The following UTRN variants were observed in gnomAD, a reference collection of about 807,000 sequenced individuals.
The protein encoded by UTRN is dystrophin-related protein 1.
UTRN carries 283 observed loss-of-function variants against 463.9 expected under a neutral mutation model. The ratio of observed to expected loss-of-function variants is 0.61; its 90% CI spans 0.55 to 0.67. The LOEUF (loss-of-function observed/expected upper bound fraction) is 0.67, where lower values mean the gene tolerates loss of function less well. Among genes scored for constraint, UTRN ranks in the 30% least tolerant of loss-of-function variants. The pLI, the probability that UTRN is intolerant of heterozygous loss-of-function variation, is 0.00. For synonymous variants in UTRN, 1,442 were observed against 1,431.5 expected, an observed-to-expected ratio of 1.01 and a Z score of -0.17; for missense variants, 3,922 against 4,084.3, an observed-to-expected ratio of 0.96 and a Z score of 1.08.
intron 55 of UTRN, among the ~76,000 whole-genome samples, chr6:144,750,303 C>T (rs1184972879): frequency 1.3e-5 from 2 of 152,040 alleles, no homozygotes; most frequent in East Asian, 3.9e-4. Flanking sequence ...ATTCTGTCAT[C>T]CATTAAAATG....
intron 51 of UTRN, among the ~76,000 whole-genome samples, chr6:144,644,050 T>C (rs994951745): frequency 5.9e-5 from 9 of 152,182 alleles, no homozygotes; most frequent in Non-Finnish European, 1.2e-4. Flanking sequence ...ATATTTACTT[T>C]TGCAAAGCAG....
At chr6:144,679,920 A>G (rs1051368318) in intron 52 of UTRN, among the ~76,000 whole-genome samples, 1 of 152,192 alleles carries the variant, frequency 6.6e-6, no homozygotes, top group Non-Finnish European at 1.5e-5. Flanking sequence ...GGGAAATACA[A>G]TAGGTCAGCA....
chr6:144,622,181 G>GTTTTTTTTT (rs1290959363), intron 51 of UTRN, among the ~76,000 whole-genome samples: 6 of 73,708 alleles, frequency 8.1e-5, no homozygotes, highest in African/African-American at 2.9e-4. Flanking sequence ...ATTTTTTTTT[G>GTTTTTTTTT]TTGTTTTTTT....
At chr6:144,403,060 G>T (rs1406783564) in intron 2 of UTRN, 63 bp from the exon 3 acceptor site, 16 of 1,433,624 alleles carry the variant, frequency 1.1e-5, no homozygotes, top group Non-Finnish European at 1.4e-5. Context: ...AACCTTATTT[G>T]GTGCTTTACT....
chr6:144,627,980 T>C (rs968395222), intron 51 of UTRN, among the ~76,000 whole-genome samples: 1 of 152,032 alleles, frequency 6.6e-6, no homozygotes, highest in Non-Finnish European at 1.5e-5. Context: ...TTTGTAGTTT[T>C]AGTAGAGACG....
At chr6:144,577,832 G>A (rs990439282) in intron 51 of UTRN, among the ~76,000 whole-genome samples, 5 of 152,086 alleles carry the variant, frequency 3.3e-5, no homozygotes, top group Non-Finnish European at 7.4e-5. Flanking sequence ...ACATTATAAG[G>A]AATCTTATGA....
chr6:144,361,354 T>A (rs1341989590), intron 2 of UTRN, among the ~76,000 whole-genome samples: 1 of 152,212 alleles, frequency 6.6e-6, no homozygotes, highest in Non-Finnish European at 1.5e-5. Context: ...GTCCTTGATT[T>A]TGAGCTAATT....
At chr6:144,331,201 G>C (rs1369811315) in intron 2 of UTRN, among the ~76,000 whole-genome samples, 3 of 152,182 alleles carry the variant, frequency 2.0e-5, no homozygotes, top group Non-Finnish European at 2.9e-5. Flanking sequence ...ATAATGTCAT[G>C]AAATAAGATA....
intron 65 of UTRN, among the ~76,000 whole-genome samples, chr6:144,815,804 C>CAACA (rs1779024829): frequency 6.6e-6 from 1 of 152,216 alleles, no homozygotes; most frequent in Non-Finnish European, 1.5e-5. Flanking sequence ...TCTCCTTTGG[C>CAACA]AACACCCTCA....
At chr6:144,529,182 A>G (rs1365275193) in intron 41 of UTRN, among the ~76,000 whole-genome samples, 1 of 152,082 alleles carries the variant, frequency 6.6e-6, no homozygotes, top group Non-Finnish European at 1.5e-5. Context: ...CCACACCCCC[A>G]CTGGCCCAAC....
At chr6:144,713,443 TA>T (rs34428268) in intron 53 of UTRN, among the ~76,000 whole-genome samples, 58,680 of 143,232 alleles carry the variant, frequency 0.41, 16,561 homozygotes, top group African/African-American at 0.79. Context: ...CCATCTCTAC[TA>T]AAAAAAAAAA....
intron 36 of UTRN, 144 bp from the exon 37 acceptor site, chr6:144,514,506 G>A: frequency 3.7e-6 from 3 of 812,454 alleles, no homozygotes; most frequent in Non-Finnish European, 5.8e-6. Flanking sequence ...TATGTGAACA[G>A]CTCTCACCTG....
Position 144,428,822 on chromosome 6 carries a change from T to C in UTRN, c.623T>C (p.Ile208Thr), listed in dbSNP as rs1241732928. The C allele has an allele frequency of 1.9e-6, 3 of 1,612,286 alleles. No homozygotes were observed. The highest frequency in any genetic ancestry group is 1.7e-6 in the Non-Finnish European group (2 of 1,179,496). Residue 208 changes from isoleucine (I) to threonine (T), a missense_variant, in exon 8 of 75, where the codon ATT becomes ACT. Transcript: ENST00000367545. ...SWDKVVKMSPIERLEHAFSKA... is the reference protein window; with the variant it reads ...SWDKVVKMSPTERLEHAFSKA... The stretch of plus-strand genomic sequence containing the variant: ...GATAAAGTTGTCAAAATGTCACCAA[T>C]TGAGAGACTTGAACATGCCTTCAGC...
At chr6:144,780,972 T>G (rs1018366209) in intron 60 of UTRN, among the ~76,000 whole-genome samples, 3 of 152,248 alleles carry the variant, frequency 2.0e-5, no homozygotes, top group Non-Finnish European at 4.4e-5. Context: ...CCAGTTGTCT[T>G]TCCTCTCCTA....
In UTRN at chr6:144,448,636, A is replaced by G. The variant is rs759019879; in HGVS notation, c.1939A>G (p.Ile647Val). Residue 647 changes from isoleucine (I) to valine (V), a missense_variant, in exon 17 of 75, where the codon ATT (isoleucine) becomes GTT (valine). By Grantham distance (29) the Ile-to-Val change is conservative. This residue lies in a region of UTRN where 2,349 missense variants were observed against 2,303.8 expected (regional missense o/e 1.02). Coordinates refer to ENST00000367545, the MANE Select transcript of UTRN (RefSeq NM_007124.3). ...QAVAKLGMSQIPQKDLLETVR... is the reference protein window; with the variant it reads ...QAVAKLGMSQVPQKDLLETVR... The stretch of plus-strand genomic sequence containing the variant: ...TGTAGCAAAGCTGGGGATGTCTCAG[A>G]TTCCTCAGAAGGACCTTTTGGAGAC... The G allele has an allele frequency of 1.2e-6, 2 of 1,613,994 alleles. No homozygotes were observed. The highest frequency in any genetic ancestry group is 1.7e-6 in the Non-Finnish European group (2 of 1,179,898).
intron 73 of UTRN, among the ~76,000 whole-genome samples, chr6:144,845,600 A>C (rs1392559445): frequency 1.3e-5 from 2 of 152,224 alleles, no homozygotes; most frequent in African/African-American, 4.8e-5. Flanking sequence ...AAAATGGATT[A>C]GACTTCTGTC....
chr6:144,447,161 AT>A, intron 14 of UTRN, 49 bp from the exon 15 acceptor site: 1 of 1,536,994 alleles, frequency 6.5e-7, no homozygotes, highest in Non-Finnish European at 8.9e-7. Context: ...ATTTAATTGA[AT>A]TACCAAATGA....
At chr6:144,670,297 T>G (rs964898586) in intron 51 of UTRN, among the ~76,000 whole-genome samples, 1 of 152,144 alleles carries the variant, frequency 6.6e-6, no homozygotes, top group African/African-American at 2.4e-5. Flanking sequence ...CTATTTTTTT[T>G]TATTTTTTAA....
chr6:144,389,246 G>A (rs1032098630), intron 2 of UTRN, among the ~76,000 whole-genome samples: 4 of 152,190 alleles, frequency 2.6e-5, no homozygotes, highest in South Asian at 2.1e-4. Flanking sequence ...TAGCCTCTCC[G>A]AAGGAGGCAA....
Sources: allele counts gnomAD v4.1 joint callset (sites outside exome capture counted in the v4.1 genomes callset), GRCh38; gene constraint gnomAD v4.1.1; regional missense constraint gnomAD v4.1.1; transcripts MANE v1.5; gene names NCBI Gene and HGNC (gene_info 2026-07-23, HGNC 2026-07-21).